TRPM3: variants seen among roughly 807,000 people sequenced by gnomAD.
TRPM3 encodes the protein transient receptor potential cation channel subfamily M member 3.
A neutral mutation model predicts 181.2 loss-of-function variants in TRPM3; 77 were observed. That is an observed-to-expected ratio of 0.42 (90% CI 0.35 to 0.51). TRPM3 has a LOEUF of 0.51. TRPM3 is among the 20% of genes least tolerant of loss of function. The pLI is 0.01. For missense variants in TRPM3, 1,759 were observed against 2,196.7 expected, an observed-to-expected ratio of 0.80 and a Z score of 3.98; for synonymous variants, 745 against 796.4, an observed-to-expected ratio of 0.94 and a Z score of 1.09.
chr9:71,414,164 T>G (rs1434378390), intron 1 of TRPM3, among the ~76,000 whole-genome samples: 1 of 152,254 alleles, frequency 6.6e-6, no homozygotes, highest in East Asian at 1.9e-4. Flanking sequence ...CTGCATGTCC[T>G]GTGGTCTACA....
intron 25 of TRPM3, among the ~76,000 whole-genome samples, chr9:70,549,048 A>G (rs900620787): frequency 1.3e-5 from 2 of 152,124 alleles, no homozygotes; most frequent in Non-Finnish European, 2.9e-5. Context: ...AATTCTGGGG[A>G]AAAATCCTAA....
At chr9:71,097,532 A>G (rs2067531942) in intron 1 of TRPM3, among the ~76,000 whole-genome samples, 1 of 152,108 alleles carries the variant, frequency 6.6e-6, no homozygotes, top group Admixed American at 6.6e-5. Context: ...TATCACAGAG[A>G]ACTTTCTGAT....
chr9:70,946,589 C>A (rs1284799090), intron 1 of TRPM3, among the ~76,000 whole-genome samples: 6 of 152,148 alleles, frequency 3.9e-5, no homozygotes, highest in African/African-American at 1.4e-4. Flanking sequence ...GGCAACAGGA[C>A]TTTTTAAAGC....
intron 1 of TRPM3, among the ~76,000 whole-genome samples, chr9:71,284,920 A>G (rs1465595833): frequency 6.6e-6 from 1 of 152,242 alleles, no homozygotes; most frequent in Non-Finnish European, 1.5e-5. Context: ...CTTACAAAGT[A>G]TATTACATTT....
chr9:70,649,582 A>T (rs1327382953), intron 9 of TRPM3, among the ~76,000 whole-genome samples: 1 of 152,146 alleles, frequency 6.6e-6, no homozygotes, highest in Non-Finnish European at 1.5e-5. Context: ...GCAAATCAAA[A>T]CCAAAATGAG....
At chr9:70,838,214 G>A (rs1287995963) in intron 5 of TRPM3, among the ~76,000 whole-genome samples, 1 of 152,090 alleles carries the variant, frequency 6.6e-6, no homozygotes, top group African/African-American at 2.4e-5. Context: ...TCCTCATTTT[G>A]GGGAGTTTTT....
At position 70,939,634 on chromosome 9, in the gene TRPM3, T is replaced by G. The variant is rs778249058; in HGVS notation, c.178-75123A>C. 1.8e-4 allele frequency among the ~76,000 whole-genome samples: 28 copies of G among 152,274 alleles called. No homozygotes were observed. The Middle Eastern group carries it at 0.01, about 56-fold the overall frequency. ...GAAAAGAGAAATATCCTAAGATAAATCCAATTAAAATTTTTATTGAGAGAT... is the reference window on the plus strand; with the variant it reads ...GAAAAGAGAAATATCCTAAGATAAAGCCAATTAAAATTTTTATTGAGAGAT... On this transcript the variant is annotated intron_variant, in intron 1 of 25. Coordinates refer to ENST00000677713, the MANE Select transcript of TRPM3 (RefSeq NM_001366145.2).
intron 25 of TRPM3, among the ~76,000 whole-genome samples, chr9:70,541,885 G>A (rs2043470107): frequency 1.3e-5 from 2 of 152,312 alleles, no homozygotes; most frequent in South Asian, 4.1e-4. Flanking sequence ...GACTTTGGGA[G>A]GCCAAGGCAG....
At chr9:71,273,328 A>G (rs1202885319) in intron 1 of TRPM3, among the ~76,000 whole-genome samples, 1 of 152,164 alleles carries the variant, frequency 6.6e-6, no homozygotes, top group Non-Finnish European at 1.5e-5. Flanking sequence ...GCAAAGCCAT[A>G]ATTACTGCAA....
intron 1 of TRPM3, among the ~76,000 whole-genome samples, chr9:71,033,406 G>A (rs1051128885): frequency 6.6e-6 from 1 of 152,182 alleles, no homozygotes; most frequent in Non-Finnish European, 1.5e-5. Context: ...TACCACAGGC[G>A]AAGAGATAGA....
chr9:71,324,899 A>T (rs73466689), intron 1 of TRPM3, among the ~76,000 whole-genome samples: 13,461 of 152,110 alleles, frequency 0.088, 1,263 homozygotes, highest in African/African-American at 0.24. Context: ...ATTTGAATAC[A>T]TGGAGGTAGA....
chr9:71,380,177 G>C (rs1177453429), intron 1 of TRPM3, among the ~76,000 whole-genome samples: 1 of 151,968 alleles, frequency 6.6e-6, no homozygotes, highest in African/African-American at 2.4e-5. Flanking sequence ...TTGGCTATTT[G>C]CTTGCGGGGA....
At chr9:70,573,270 T>G (rs1408528465) in intron 22 of TRPM3, among the ~76,000 whole-genome samples, 1 of 152,206 alleles carries the variant, frequency 6.6e-6, no homozygotes, top group Non-Finnish European at 1.5e-5. Flanking sequence ...TTTTCCAAAA[T>G]GTTGAACAAC....
intron 1 of TRPM3, among the ~76,000 whole-genome samples, chr9:71,384,945 G>T (rs536184653): frequency 8.1e-4 from 123 of 152,262 alleles, no homozygotes; most frequent in Admixed American, 1.4e-3. Context: ...AAAGTAATTT[G>T]TATAATGGAC....
At position 70,846,520 on chromosome 9, in the gene TRPM3, C is replaced by T. The variant is rs574183662; in HGVS notation, c.534G>A (p.Glu178=). Reference sequence around the variant, plus strand: ...GGACAGAGATGAGAAGCTTGGGAAGCTCCAACTGCCATTCCTTGGTCATCA... The same window carrying T: ...GGACAGAGATGAGAAGCTTGGGAAGTTCCAACTGCCATTCCTTGGTCATCA... The part of the protein sequence containing the change: ...LHLMTKEWQL[E]LPKLLISVHG... The change falls in exon 4 of 26, where the codon GAG becomes GAA. Residue 178 remains glutamate (E), a synonymous_variant. Transcript: ENST00000677713. The T allele has an allele frequency of 5.8e-5, 94 of 1,613,984 alleles. No individual in the cohort carries two copies. The highest frequency in any genetic ancestry group is 7.8e-5 in the Non-Finnish European group (92 of 1,180,026).
chr9:71,286,988 AT>A (rs1242027978), intron 1 of TRPM3, among the ~76,000 whole-genome samples: 1 of 139,878 alleles, frequency 7.1e-6, no homozygotes, highest in Admixed American at 7.3e-5. Flanking sequence ...ATATTATATA[AT>A]TATATTATAT....
chr9:71,071,065 G>A (rs1342918454), intron 1 of TRPM3, among the ~76,000 whole-genome samples: 1 of 152,124 alleles, frequency 6.6e-6, no homozygotes, highest in East Asian at 1.9e-4. Flanking sequence ...GCCTTACAAG[G>A]CTTTAGTTTT....
Position 70,541,983 on chromosome 9 carries a change from T to G in TRPM3, c.3708-4578A>C, listed in dbSNP as rs374598390. ...ACGAAAATAAAAAATTAGCTGGGTG[T>G]GCTGGTACATGTCTGTGGTCCCAGC... On this transcript the variant is annotated intron_variant, in intron 25 of 25. Coordinates refer to ENST00000677713, the MANE Select transcript of TRPM3 (RefSeq NM_001366145.2). Among the ~76,000 whole-genome samples, 16 of 152,266 alleles carry G rather than the reference T, an allele frequency of 1.1e-4. 1 individual carries two copies. Among genetic ancestry groups the G allele is most frequent in the African/African-American group, 3.8e-4 (16 of 41,576 alleles).
At chr9:70,829,780 C>T (rs373163200) in intron 5 of TRPM3, among the ~76,000 whole-genome samples, 4 of 152,088 alleles carry the variant, frequency 2.6e-5, no homozygotes, top group South Asian at 2.1e-4. Flanking sequence ...AAGAGTCCCC[C>T]GAAACACAGA....
Sources: gnomAD v4.1 joint callset for allele counts (sites outside exome capture counted in the v4.1 genomes callset) on GRCh38, gnomAD v4.1.1 for gene constraint, MANE v1.5 for transcripts, NCBI Gene and HGNC (gene_info 2026-07-23, HGNC 2026-07-21) for gene names.